The following VAV3 variants were observed in gnomAD, a reference collection of about 807,000 sequenced individuals.
VAV3 encodes guanine nucleotide exchange factor VAV3.
Under a neutral mutation model 131.2 loss-of-function variants are expected in VAV3, and 94 were observed. The observed-to-expected ratio is 0.72, with a 90% confidence interval of 0.61 to 0.85. The LOEUF is 0.85. Ranked by LOEUF, VAV3 falls within the 40% of genes least tolerant of loss-of-function variation. The probability of loss-of-function intolerance (pLI) is 0.00; values close to 1 mark genes in which losing one functional copy is unlikely to be tolerated. For synonymous variants in VAV3, 349 were observed against 342.0 expected, an observed-to-expected ratio of 1.02 and a Z score of -0.22; for missense variants, 939 against 1,002.7, an observed-to-expected ratio of 0.94 and a Z score of 0.86.
At chr1:107,801,521 C>A (rs1666827118) in intron 2 of VAV3, among the ~76,000 whole-genome samples, 1 of 152,090 alleles carries the variant, frequency 6.6e-6, no homozygotes, top group African/African-American at 2.4e-5. Context: ...AGATGGAAAA[C>A]CTAACTTAGA....
Position 107,572,592 on chromosome 1 carries a change from T to C in VAV3, c.*739A>G, listed in dbSNP as rs1016468527. The C allele has an allele frequency of 1.3e-5, 2 of 152,652 alleles. No homozygotes were observed. Among genetic ancestry groups the C allele is most frequent in the Non-Finnish European group, 2.9e-5 (2 of 68,048 alleles). 9.5% of individuals were successfully genotyped at this position (152,652 alleles called of 1,614,324 possible). A position where few individuals can be genotyped will look rare whatever the true frequency, so the allele number is the denominator to read the frequency against. The stretch of plus-strand genomic sequence containing the variant: ...TTTCCAAAATAATCCTATGAAATCA[T>C]GAAGGTTGTGAAGGTTTAATATGAA... On this transcript the variant is annotated 3_prime_UTR_variant, in exon 27 of 27. Transcript: ENST00000370056.
intron 15 of VAV3, among the ~76,000 whole-genome samples, chr1:107,708,557 T>C (rs1660590196): frequency 6.6e-6 from 1 of 152,170 alleles, no homozygotes; most frequent in African/African-American, 2.4e-5. Context: ...CATGCTGTCC[T>C]TAGATGTTCT....
intron 20 of VAV3, among the ~76,000 whole-genome samples, chr1:107,631,026 A>G (rs1247541401): frequency 6.6e-6 from 1 of 152,182 alleles, no homozygotes; most frequent in African/African-American, 2.4e-5. Flanking sequence ...GCTTTTTTCA[A>G]TTAGAGAAGA....
chr1:107,638,944 G>A (rs796613065), intron 20 of VAV3, among the ~76,000 whole-genome samples: 93 of 150,218 alleles, frequency 6.2e-4, no homozygotes, highest in African/African-American at 2.3e-3. Context: ...ACACACACAC[G>A]GCATATATAC....
At position 107,908,397 on chromosome 1, in the gene VAV3, T is replaced by G. The variant is rs77965575; in HGVS notation, c.205-33380A>C. Among the ~76,000 whole-genome samples the G allele has an allele frequency of 6.3e-3, 965 of 152,302 alleles. 8 individuals carry two copies. Among genetic ancestry groups the G allele is most frequent in the African/African-American group, 0.022 (913 of 41,570 alleles). ...TTGATATCCTCAAAGTAAGATCGGTTATTACCAATCTTCCTTCCCTATATC... is the reference window on the plus strand; with the variant it reads ...TTGATATCCTCAAAGTAAGATCGGTGATTACCAATCTTCCTTCCCTATATC... On this transcript the variant is annotated intron_variant, in intron 1 of 26. Transcript: ENST00000370056.
chr1:107,914,862 A>G (rs1433841311), intron 1 of VAV3, among the ~76,000 whole-genome samples: 1 of 152,236 alleles, frequency 6.6e-6, no homozygotes, highest in Non-Finnish European at 1.5e-5. Flanking sequence ...AGGGAACAAA[A>G]CCAGCACACA....
rs75928078 is a variant in VAV3, at chr1:107,949,409, C to A, written c.204+15257G>T. On this transcript the variant is annotated intron_variant, in intron 1 of 26. Transcript: ENST00000370056. ...CACTGCAGACTTGACCCTGCGGGCT[C>A]AAGAGATCCTTCCACGTCAGCCTCC... 4.6e-5 allele frequency among the ~76,000 whole-genome samples: 7 copies of A among 152,188 alleles called. No homozygotes were observed. In the East Asian group the frequency reaches 1.2e-3, roughly 25 times the overall value.
chr1:107,679,737 T>C (rs573432175), intron 19 of VAV3, among the ~76,000 whole-genome samples: 3 of 152,164 alleles, frequency 2.0e-5, no homozygotes, highest in Non-Finnish European at 4.4e-5. Context: ...AAATATTACA[T>C]CAGTGCTCAG....
chr1:107,612,216 C>T (rs1359423582), intron 21 of VAV3, among the ~76,000 whole-genome samples: 3 of 150,158 alleles, frequency 2.0e-5, no homozygotes, highest in South Asian at 2.1e-4. Context: ...ATATATGTGT[C>T]TATTTATGTG....
intron 19 of VAV3, among the ~76,000 whole-genome samples, chr1:107,655,067 A>C (rs969119415): frequency 6.6e-6 from 1 of 152,078 alleles, no homozygotes; most frequent in African/African-American, 2.4e-5. Context: ...TTTCTGCCTC[A>C]TTTCTCAACT....
At chr1:107,634,016 G>T (rs1654714492) in intron 20 of VAV3, among the ~76,000 whole-genome samples, 1 of 152,114 alleles carries the variant, frequency 6.6e-6, no homozygotes, top group Non-Finnish European at 1.5e-5. Flanking sequence ...TGGGTAGGAA[G>T]AATCAATATT....
At chr1:107,948,833 C>T (rs933181823) in intron 1 of VAV3, among the ~76,000 whole-genome samples, 1 of 151,300 alleles carries the variant, frequency 6.6e-6, no homozygotes, top group African/African-American at 2.4e-5. Context: ...GCAAGAGAGA[C>T]TCCATCTCAA....
intron 1 of VAV3, among the ~76,000 whole-genome samples, chr1:107,887,029 A>G (rs1025700572): frequency 6.6e-5 from 10 of 152,274 alleles, no homozygotes; most frequent in Admixed American, 3.9e-4. Flanking sequence ...GAAAGTAAAC[A>G]TAAGTTATTA....
At chr1:107,831,493 T>C (rs573376475) in intron 2 of VAV3, among the ~76,000 whole-genome samples, 2 of 152,304 alleles carry the variant, frequency 1.3e-5, no homozygotes, top group African/African-American at 4.8e-5. Flanking sequence ...AATATTATTC[T>C]CTGGAATGAT....
At position 107,964,771 on chromosome 1, in the gene VAV3, A is replaced by T; in HGVS notation, c.99T>A (p.Leu33=). 1.2e-6 allele frequency: 2 copies of T among 1,614,020 alleles called. No individual in the cohort carries two copies. Among genetic ancestry groups the T allele is most frequent in the Non-Finnish European group, 8.5e-7 (1 of 1,179,988 alleles). ...GGACTCCATCGCGGAGGGTCTGCGC[A>T]AGGTCGAACACCTGAGCCGAGTCCC... ...VTWDSAQVFD[L]AQTLRDGVLL... The change falls in exon 1 of 27, where the codon CTT becomes CTA. Residue 33 remains leucine, a synonymous_variant. Coordinates refer to ENST00000370056, the MANE Select transcript of VAV3 (RefSeq NM_006113.5).
At chr1:107,914,963 A>C (rs1217160993) in intron 1 of VAV3, among the ~76,000 whole-genome samples, 1 of 152,170 alleles carries the variant, frequency 6.6e-6, no homozygotes, top group Admixed American at 6.5e-5. Context: ...GGAAGAACTC[A>C]TTTTTTATTT....
At chr1:107,649,403 T>C (rs1655989825) in intron 19 of VAV3, among the ~76,000 whole-genome samples, 2 of 152,086 alleles carry the variant, frequency 1.3e-5, no homozygotes, top group Admixed American at 1.3e-4. Context: ...GATATCTAAG[T>C]CAGCAAAGAA....
intron 5 of VAV3, among the ~76,000 whole-genome samples, chr1:107,771,010 A>C (rs1665010885): frequency 6.6e-6 from 1 of 152,324 alleles, no homozygotes; most frequent in East Asian, 1.9e-4. Flanking sequence ...AACACCATAA[A>C]TGGTGTATGA....
At chr1:107,716,445 C>G (rs61471569) in intron 15 of VAV3, among the ~76,000 whole-genome samples, 16,371 of 152,052 alleles carry the variant, frequency 0.11, 1,042 homozygotes, top group East Asian at 0.25. Context: ...TAGCATGAAG[C>G]GCTGTTCAAT....
Sources: gnomAD v4.1 joint callset for allele counts (sites outside exome capture counted in the v4.1 genomes callset) on GRCh38, gnomAD v4.1.1 for gene constraint, MANE v1.5 for transcripts, NCBI Gene and HGNC (gene_info 2026-07-23, HGNC 2026-07-21) for gene names.